The following DSC3 variants were observed in gnomAD, a reference collection of about 807,000 sequenced individuals.
The protein encoded by DSC3 is desmocollin 3.
DSC3 carries 97 observed loss-of-function variants against 89.5 expected under a neutral mutation model. The observed-to-expected ratio is 1.08, with a 90% CI of 0.92 to 1.28. The LOEUF (loss-of-function observed/expected upper bound fraction) is 1.28, where lower values mean the gene tolerates loss of function less well. Among genes scored for constraint, DSC3 ranks in the 50% most tolerant of loss-of-function variants. The pLI, the probability that DSC3 is intolerant of heterozygous loss-of-function variation, is 0.00. For synonymous variants in DSC3, 436 were observed against 384.1 expected (o/e 1.14, Z -1.58); for missense variants, 1,199 against 1,085.3 (o/e 1.10, Z -1.47).
chr18:30,997,961 G>C (rs1598597508), intron 14 of DSC3, among the ~76,000 whole-genome samples: 1 of 152,210 alleles, frequency 6.6e-6, no homozygotes. Context: ...ATTAGGGTTG[G>C]GGGGAGTTAG....
intron 9 of DSC3, among the ~76,000 whole-genome samples, chr18:31,017,235 C>T (rs1985265050): frequency 6.6e-6 from 1 of 152,038 alleles, no homozygotes; most frequent in Non-Finnish European, 1.5e-5. Context: ...AGTATAGGAG[C>T]CTTGGAAATT....
In DSC3 at chr18:31,018,112, T is replaced by C; in HGVS notation, c.1222A>G (p.Thr408Ala). The C allele has an allele frequency of 6.2e-7, 1 of 1,612,868 alleles. No homozygotes were observed. ...ACACCTTCATTAGTTTCTTTGTCTG[T>C]GCTGATTTTGAAATGTCCATTTTCA... ...GNENGHFKIS[T>A]DKETNEGVLS... is the part of the protein sequence containing the mutation. Residue 408 changes from threonine to alanine, a missense_variant, in exon 9 of 16, where the codon ACA (threonine) becomes GCA (alanine). Physicochemically the swap from Thr to Ala is moderately conservative, Grantham distance 58. Coordinates refer to ENST00000360428, the MANE Select transcript of DSC3 (RefSeq NM_001941.5).
intron 1 of DSC3, among the ~76,000 whole-genome samples, chr18:31,041,906 G>A (rs1986145098): frequency 6.6e-6 from 1 of 151,882 alleles, no homozygotes; most frequent in East Asian, 2.0e-4. Context: ...TCCACACCTC[G>A]GCAGCATCCC....
intron 13 of DSC3, among the ~76,000 whole-genome samples, chr18:31,002,016 GA>G (rs964677840): frequency 2.0e-5 from 3 of 151,490 alleles, no homozygotes; most frequent in Non-Finnish European, 3.0e-5. Context: ...AGTACATAAA[GA>G]AAAAAAATCA....
chr18:30,997,213 CA>C (rs1427581091), intron 14 of DSC3, among the ~76,000 whole-genome samples, 165 bp from the exon 15 acceptor site: 4 of 152,196 alleles, frequency 2.6e-5, no homozygotes, highest in Non-Finnish European at 5.9e-5. Flanking sequence ...ATACTGTCTT[CA>C]TTCATTTTGT....
chr18:31,034,513 C>T (rs1202443867), intron 1 of DSC3, among the ~76,000 whole-genome samples: 1 of 152,158 alleles, frequency 6.6e-6, no homozygotes, highest in African/African-American at 2.4e-5. Flanking sequence ...TATGATCCAG[C>T]AAGTCCACTC....
intron 4 of DSC3, among the ~76,000 whole-genome samples, chr18:31,028,292 C>T (rs564648091): frequency 1.3e-5 from 2 of 151,966 alleles, no homozygotes; most frequent in East Asian, 1.9e-4. Context: ...GAAAACTAGA[C>T]GAATGGTGTC....
intron 7 of DSC3, 24 bp from the exon 8 acceptor site, chr18:31,018,824 C>T: frequency 1.2e-6 from 2 of 1,611,870 alleles, no homozygotes; most frequent in Non-Finnish European, 1.7e-6. Context: ...AAATATTTAA[C>T]TAGTCTTGAA....
Position 30,996,860 on chromosome 18 carries a change from G to C in DSC3, c.2424C>G (p.His808Gln), listed in dbSNP as rs1984486884. The C allele has an allele frequency of 6.2e-7, 1 of 1,613,780 alleles. No homozygotes were observed. The highest frequency in any genetic ancestry group is 2.2e-5 in the East Asian group (1 of 44,838). Residue 808 changes from histidine (H) to glutamine (Q), a missense_variant, in exon 15 of 16, where the codon CAC becomes CAG. Coordinates refer to ENST00000360428, the MANE Select transcript of DSC3 (RefSeq NM_001941.5). Reference protein sequence around the residue: ...HHTLDSCRGGHTEVDNCRYTY... With the variant: ...HHTLDSCRGGQTEVDNCRYTY... ...TGTATCTGCAGTTGTCCACCTCCGT[G>C]TGTCCTCCCCTGCAGGAGTCCAGGG... is the stretch of plus-strand genomic sequence containing the variant.
chr18:31,029,712 T>C (rs1472645949), intron 3 of DSC3, 84 bp from the exon 4 acceptor site: 2 of 1,557,134 alleles, frequency 1.3e-6, no homozygotes, highest in African/African-American at 2.7e-5. Flanking sequence ...CTCATAAACC[T>C]AATCCTTCTT....
intron 1 of DSC3, among the ~76,000 whole-genome samples, chr18:31,040,170 A>G (rs1986087849): frequency 6.6e-6 from 1 of 152,132 alleles, no homozygotes; most frequent in African/African-American, 2.4e-5. Flanking sequence ...GAGGGGAGTT[A>G]TTGCAAACGT....
intron 9 of DSC3, among the ~76,000 whole-genome samples, chr18:31,015,588 C>T (rs186648880): frequency 2.0e-5 from 3 of 152,228 alleles, no homozygotes; most frequent in Admixed American, 2.0e-4. Flanking sequence ...TTTATATCCT[C>T]TAAGCAAGAC....
rs551911349 is a variant in DSC3 at position 31,037,076 on chromosome 18, C to T, written c.70-4800G>A. Among the ~76,000 whole-genome samples the T allele has an allele frequency of 7.2e-5, 11 of 152,208 alleles. No homozygotes were observed. In the South Asian group the frequency reaches 2.1e-3, roughly 29 times the overall value. ...AAAGTGCTGGGATTACAGGCGTGAG[C>T]CACCGCACTCGGCCGAATTATGTTT... On this transcript the variant is annotated intron_variant, in intron 1 of 15. Transcript: ENST00000360428.
intron 9 of DSC3, among the ~76,000 whole-genome samples, chr18:31,016,850 G>A (rs777668076): frequency 6.6e-6 from 1 of 152,132 alleles, no homozygotes; most frequent in African/African-American, 2.4e-5. Flanking sequence ...GAACACCAAA[G>A]ATGACTAGCT....
At chr18:31,004,973 T>A (rs1790111206) in intron 12 of DSC3, among the ~76,000 whole-genome samples, 1 of 152,198 alleles carries the variant, frequency 6.6e-6, no homozygotes, top group Admixed American at 6.5e-5. Flanking sequence ...GATCTATTAT[T>A]TTAATGACCA....
intron 12 of DSC3, among the ~76,000 whole-genome samples, chr18:31,004,955 A>G (rs912408262): frequency 2.0e-5 from 3 of 152,152 alleles, no homozygotes; most frequent in African/African-American, 7.2e-5. Flanking sequence ...ATTTTCCCCA[A>G]TAGTCTTGAT....
chr18:31,000,604 A>G (rs892679968), intron 14 of DSC3, among the ~76,000 whole-genome samples: 2 of 152,196 alleles, frequency 1.3e-5, no homozygotes, highest in African/African-American at 4.8e-5. Flanking sequence ...CCTCTTTTCC[A>G]ACACATGATT....
chr18:31,027,485 T>TTCCTTCCTTCCTTCCC (rs1454513969), intron 4 of DSC3, among the ~76,000 whole-genome samples: 7 of 151,874 alleles, frequency 4.6e-5, no homozygotes, highest in Non-Finnish European at 7.4e-5. Flanking sequence ...CCTTCCTTCC[T>TTCCTTCCTTCCTTCCC]TCCTTCCTTC....
In DSC3 at chr18:30,992,460, A is replaced by G. The variant is rs762742510; in HGVS notation, c.*1715T>C. The G allele has an allele frequency of 3.9e-5, 6 of 152,238 alleles. No homozygotes were observed. The highest frequency in any genetic ancestry group is 8.8e-5 in the Non-Finnish European group (6 of 68,076). 9.4% of individuals were successfully genotyped at this position (152,238 alleles called of 1,614,324 possible). A position where few individuals can be genotyped will look rare whatever the true frequency, so the allele number is the denominator to read the frequency against. ...TCACTCCAAATAAGGTGAGCCATAG[A>G]GAAGAGGTTGGCTGATCCCTCACCG... On this transcript the variant is annotated 3_prime_UTR_variant, in exon 16 of 16. Transcript: ENST00000360428.
Sources: allele counts gnomAD v4.1 joint callset (sites outside exome capture counted in the v4.1 genomes callset), GRCh38; gene constraint gnomAD v4.1.1; transcripts MANE v1.5; gene names NCBI Gene and HGNC (gene_info 2026-07-23, HGNC 2026-07-21).